The following CNTNAP3B variants were observed in gnomAD, a reference collection of about 807,000 sequenced individuals.
CNTNAP3B encodes contactin-associated protein-like 3B.
A neutral mutation model predicts 108.9 loss-of-function variants in CNTNAP3B; 25 were observed. The ratio of observed to expected loss-of-function variants is 0.23; its 90% CI spans 0.17 to 0.32. The LOEUF is 0.32. CNTNAP3B is among the 10% of genes least tolerant of loss of function. The pLI is 1.00. For synonymous variants in CNTNAP3B, 103 were observed against 473.4 expected (o/e 0.22, Z 10.16); for missense variants, 252 against 1,210.4 (o/e 0.21, Z 11.75).
chr9:41,935,432 A>T (rs1401274774), intron 14 of CNTNAP3B, among the ~76,000 whole-genome samples: 1 of 152,300 alleles, frequency 6.6e-6, no homozygotes, highest in Non-Finnish European at 1.5e-5. Context: ...AAACTTTACT[A>T]AGCACACCTC....
chr9:41,943,882 T>A (rs1824444314), intron 13 of CNTNAP3B, among the ~76,000 whole-genome samples: 1 of 152,260 alleles, frequency 6.6e-6, no homozygotes, highest in Non-Finnish European at 1.5e-5. Context: ...TTGCAAAAAA[T>A]TGAAGACTTT....
chr9:41,967,827 T>G (rs375119045), intron 10 of CNTNAP3B, among the ~76,000 whole-genome samples: 1 of 152,272 alleles, frequency 6.6e-6, no homozygotes, highest in Non-Finnish European at 1.5e-5. Context: ...TTTGTAGCCC[T>G]ATTTGAAAAT....
At chr9:41,952,573 G>A (rs1339172083) in intron 13 of CNTNAP3B, among the ~76,000 whole-genome samples, 1 of 152,136 alleles carries the variant, frequency 6.6e-6, no homozygotes, top group African/African-American at 2.4e-5. Context: ...AGGAGAAGAC[G>A]GTTTTGATGC....
intron 3 of CNTNAP3B, among the ~76,000 whole-genome samples, chr9:42,036,110 A>T (rs551533399): frequency 6.7e-6 from 1 of 150,054 alleles, no homozygotes; most frequent in South Asian, 2.1e-4. Context: ...TCCGTCTCAA[A>T]AAACAAAACA....
At chr9:41,946,106 C>A (rs1416710262) in intron 13 of CNTNAP3B, among the ~76,000 whole-genome samples, 1 of 145,458 alleles carries the variant, frequency 6.9e-6, no homozygotes, top group Admixed American at 6.8e-5. Context: ...ACTGATAGAA[C>A]TGCAAGGACA....
At chr9:41,962,969 A>C (rs1825149791) in intron 11 of CNTNAP3B, among the ~76,000 whole-genome samples, 1 of 149,422 alleles carries the variant, frequency 6.7e-6, no homozygotes, top group Non-Finnish European at 1.5e-5. Flanking sequence ...AACAAAAAAC[A>C]AACAAACAAA....
intron 1 of CNTNAP3B, among the ~76,000 whole-genome samples, chr9:42,127,854 A>G (rs28505205): frequency 0.99 from 136,429 of 137,822 alleles, 67,828 homozygotes; most frequent in East Asian, 1. Context: ...TTGAGCCCAC[A>G]GGCAGAACAG....
chr9:41,969,742 C>T (rs958795689), intron 10 of CNTNAP3B, among the ~76,000 whole-genome samples: 3 of 144,418 alleles, frequency 2.1e-5, no homozygotes, highest in African/African-American at 7.9e-5. Context: ...CTCAGCCTCC[C>T]CAGTAGCTGG....
At chr9:42,035,475 A>G (rs1359283460) in intron 3 of CNTNAP3B, among the ~76,000 whole-genome samples, 6 of 146,078 alleles carry the variant, frequency 4.1e-5, no homozygotes, top group African/African-American at 1.0e-4. Flanking sequence ...CTTGGGGGTT[A>G]ATAATAAAGA....
rs1222346771 is a variant in CNTNAP3B at position 41,915,565 on chromosome 9, G to A, written c.2995+4505C>T. 4.4e-5 allele frequency among the ~76,000 whole-genome samples: 6 copies of A among 135,332 alleles called. No homozygotes were observed. In the South Asian group the frequency reaches 7.3e-4, roughly 16 times the overall value. The allele number at this position is 135,332 out of a possible 152,430, so 88.8% of individuals were successfully genotyped here. ...ATACTTGTTGTGTTTCTTATTTTAC[G>A]GAAGAAGCTTTCACCATTGAGTATG... On this transcript the variant is annotated intron_variant, in intron 18 of 23. Transcript: ENST00000377561.
At chr9:41,936,207 G>A (rs2118043786) in intron 14 of CNTNAP3B, among the ~76,000 whole-genome samples, 1 of 152,404 alleles carries the variant, frequency 6.6e-6, no homozygotes, top group African/African-American at 2.4e-5. Context: ...AATCCGGGAG[G>A]CGCAGGTTGC....
At chr9:41,935,943 ACT>A (rs2118042149) in intron 14 of CNTNAP3B, among the ~76,000 whole-genome samples, 1 of 152,380 alleles carries the variant, frequency 6.6e-6, no homozygotes, top group South Asian at 2.1e-4. Flanking sequence ...CCCTCCTCAA[ACT>A]CAGTTCATGG....
intron 1 of CNTNAP3B, among the ~76,000 whole-genome samples, chr9:42,109,586 C>A (rs1828148821): frequency 6.9e-6 from 1 of 145,218 alleles, no homozygotes; most frequent in Non-Finnish European, 1.5e-5. Context: ...CTGGCATCTC[C>A]AGATGGAGCT....
chr9:41,922,087 C>T (rs1002751093), intron 17 of CNTNAP3B, among the ~76,000 whole-genome samples: 1 of 141,716 alleles, frequency 7.1e-6, no homozygotes, highest in East Asian at 2.0e-4. Flanking sequence ...CCTGGGATCT[C>T]TCTCATTAGC....
chr9:42,030,768 G>C (rs1826502742), intron 3 of CNTNAP3B, among the ~76,000 whole-genome samples: 1 of 117,336 alleles, frequency 8.5e-6, no homozygotes, highest in Non-Finnish European at 1.7e-5. Flanking sequence ...GAGAGAGAGA[G>C]AGAGAGAGAG....
At position 42,086,818 on chromosome 9, in the gene CNTNAP3B, T is replaced by C. The variant is rs1252634380; in HGVS notation, c.197-9756A>G. Reference sequence around the variant, plus strand: ...ATTGCTAGGTTATATGGTAAGTACATGCTTTTACTTTTTAAGAAACTGCCA... The same window carrying C: ...ATTGCTAGGTTATATGGTAAGTACACGCTTTTACTTTTTAAGAAACTGCCA... On this transcript the variant is annotated intron_variant, in intron 2 of 23. Transcript: ENST00000377561. Among the ~76,000 whole-genome samples, 5 of 107,124 alleles carry C rather than the reference T, an allele frequency of 4.7e-5. 1 individual carries two copies. The highest frequency in any genetic ancestry group is 7.5e-5 in the African/African-American group (2 of 26,582). The allele number at this position is 107,124 out of a possible 152,430, so 70.3% of individuals were successfully genotyped here.
chr9:41,928,252 C>T (rs1263919419), intron 15 of CNTNAP3B, among the ~76,000 whole-genome samples: 1 of 152,218 alleles, frequency 6.6e-6, no homozygotes, highest in Non-Finnish European at 1.5e-5. Flanking sequence ...CACAGCACAG[C>T]ATGCAGCATG....
intron 9 of CNTNAP3B, among the ~76,000 whole-genome samples, chr9:41,973,221 A>T (rs1378295342): frequency 6.9e-6 from 1 of 145,578 alleles, no homozygotes; most frequent in Non-Finnish European, 1.5e-5. Flanking sequence ...TGCTGGGATT[A>T]CAGGCATAAG....
chr9:42,016,571 A>G (rs1427567384), intron 3 of CNTNAP3B, among the ~76,000 whole-genome samples: 1 of 150,306 alleles, frequency 6.7e-6, no homozygotes, highest in Non-Finnish European at 1.5e-5. Context: ...TTGTTTTATT[A>G]AGGTGGAAAA....
Sources: gnomAD v4.1 joint callset for allele counts (sites outside exome capture counted in the v4.1 genomes callset) on GRCh38, gnomAD v4.1.1 for gene constraint, MANE v1.5 for transcripts, NCBI Gene and HGNC (gene_info 2026-07-23, HGNC 2026-07-21) for gene names.